Variants in PNO1 observed in about 807,000 individuals in gnomAD.
PNO1 encodes partner of NOB1 homolog, also known as RNA-binding protein PNO1.
PNO1 carries 16 observed loss-of-function variants against 28.4 expected under a neutral mutation model. The observed-to-expected ratio is 0.56, with a 90% CI of 0.38 to 0.85. The LOEUF is 0.85. Ranked by LOEUF, PNO1 falls within the 40% of genes least tolerant of loss-of-function variation. PNO1 has a pLI of 0.00. For missense variants in PNO1, 304 were observed against 312.2 expected (o/e 0.97, Z 0.20); for synonymous variants, 115 against 110.8 (o/e 1.04, Z -0.24).
intron 5 of PNO1, among the ~76,000 whole-genome samples, chr2:68,169,097 T>G (rs1473313352): frequency 6.6e-6 from 1 of 151,832 alleles, no homozygotes; most frequent in Non-Finnish European, 1.5e-5. Context: ...CCCAGCTAAT[T>G]TTTTTGTATT....
At chr2:68,173,905 A>G (rs1674199689) in intron 6 of PNO1, among the ~76,000 whole-genome samples, 1 of 152,108 alleles carries the variant, frequency 6.6e-6, no homozygotes, top group Admixed American at 6.6e-5. Context: ...TTTTGCTTAG[A>G]TTCCATTTGT....
chr2:68,162,377 T>G (rs778658720), intron 4 of PNO1, 52 bp downstream of exon 4: 1 of 1,383,720 alleles, frequency 7.2e-7, no homozygotes, highest in South Asian at 1.2e-5. Flanking sequence ...TATTGTGATG[T>G]GACTCTCAGT....
rs369426883 is a variant in PNO1 at position 68,157,925 on chromosome 2, A to G, written c.-10A>G. 1.2e-6 allele frequency: 2 copies of G among 1,613,166 alleles called. No homozygotes were observed. On this transcript the variant is annotated 5_prime_UTR_variant, in exon 1 of 7. Transcript: ENST00000263657. ...GTGTTTCAGCCGGCAGCGCTTTAAGATTTCCGGGGATGGAATCCGAAATGG... is the reference window on the plus strand; with the variant it reads ...GTGTTTCAGCCGGCAGCGCTTTAAGGTTTCCGGGGATGGAATCCGAAATGG...
At position 68,173,397 on chromosome 2, in the gene PNO1, C is replaced by T. The variant is rs1181675322; in HGVS notation, c.671C>T (p.Ala224Val). Residue 224 changes from alanine to valine, a missense_variant, in exon 6 of 7, where the codon GCC (alanine) becomes GTC (valine). Coordinates refer to ENST00000263657, the MANE Select transcript of PNO1 (RefSeq NM_020143.4). ...CAAAATATCAAGATGGCAAGAACTGCCATTTGCAACCTAATCTTGGGTAAT... is the reference window on the plus strand; with the variant it reads ...CAAAATATCAAGATGGCAAGAACTGTCATTTGCAACCTAATCTTGGGTAAT... ...SFQNIKMART[A>V]ICNLILGNPP... is the part of the protein sequence containing the mutation. 1 of 1,599,084 alleles carries T rather than the reference C, an allele frequency of 6.3e-7. No individual in the cohort carries two copies. The highest frequency in any genetic ancestry group is 1.1e-5 in the South Asian group (1 of 90,698).
intron 5 of PNO1, among the ~76,000 whole-genome samples, chr2:68,170,464 T>C (rs1160935190): frequency 6.6e-6 from 1 of 152,044 alleles, no homozygotes; most frequent in African/African-American, 2.4e-5. Context: ...AAGCCAAATA[T>C]TGGCCGGGCG....
intron 5 of PNO1, 122 bp from the exon 6 acceptor site, chr2:68,173,225 C>T: frequency 1.5e-6 from 1 of 668,122 alleles, no homozygotes; most frequent in South Asian, 1.7e-5. Flanking sequence ...TTATGCTGTC[C>T]AGGCTTGTCT....
rs530402363 is a variant in PNO1 at position 68,175,989 on chromosome 2, CAG to C, written c.*1189_*1190del. ...TGAAGATTACATTGAAAGTGAAAAACAGAATGGTTGGGTACTTGAAATACAGC... is the reference window on the plus strand; with the variant it reads ...TGAAGATTACATTGAAAGTGAAAAACAATGGTTGGGTACTTGAAATACAGC... On this transcript the variant is annotated 3_prime_UTR_variant, in exon 7 of 7. Coordinates refer to ENST00000263657, the MANE Select transcript of PNO1 (RefSeq NM_020143.4). 285 of 152,232 alleles carry C rather than the reference CAG, an allele frequency of 1.9e-3. 2 individuals carry two copies. Among genetic ancestry groups the C allele is most frequent in the African/African-American group, 6.5e-3 (272 of 41,532 alleles). The allele number at this position is 152,232 out of a possible 1,614,324, so 9.4% of individuals were successfully genotyped here.
At chr2:68,160,754 A>G (rs1269300142) in intron 2 of PNO1, among the ~76,000 whole-genome samples, 1 of 152,176 alleles carries the variant, frequency 6.6e-6, no homozygotes, top group Admixed American at 6.5e-5. Flanking sequence ...TGACCTCCTC[A>G]TTTTACTGAT....
intron 5 of PNO1, among the ~76,000 whole-genome samples, chr2:68,163,377 C>A (rs12466622): frequency 0.29 from 43,757 of 151,812 alleles, 7,307 homozygotes; most frequent in South Asian, 0.52. Context: ...ACTAAAAATA[C>A]AAAAATTAGC....
chr2:68,165,385 A>AC (rs768974879), intron 5 of PNO1, among the ~76,000 whole-genome samples: 55,342 of 128,608 alleles, frequency 0.43, 14,405 homozygotes, highest in South Asian at 0.61. Context: ...AAAAACAACA[A>AC]AAAAAAAAAA....
At chr2:68,158,337 G>C in intron 1 of PNO1, 43 bp from the exon 2 acceptor site, 1 of 1,565,852 alleles carries the variant, frequency 6.4e-7, no homozygotes. Context: ...CTCCATCACC[G>C]TCCCTCCATA....
chr2:68,173,983 G>GCA (rs1416725365), intron 6 of PNO1, among the ~76,000 whole-genome samples: 4 of 152,218 alleles, frequency 2.6e-5, no homozygotes, highest in African/African-American at 9.7e-5. Flanking sequence ...TTGATAAGGT[G>GCA]CAGAGAAAAA....
intron 5 of PNO1, among the ~76,000 whole-genome samples, chr2:68,172,011 G>T (rs1674143736): frequency 6.6e-6 from 1 of 152,158 alleles, no homozygotes; most frequent in Non-Finnish European, 1.5e-5. Flanking sequence ...TAATGACCAA[G>T]TCCAGGGTGT....
chr2:68,161,613 C>A (rs577247963), intron 2 of PNO1, 70 bp from the exon 3 acceptor site: 303 of 936,284 alleles, frequency 3.2e-4, no homozygotes, highest in Non-Finnish European at 3.5e-4. Flanking sequence ...AGGACATTTC[C>A]AGTATTTTGT....
intron 2 of PNO1, chr2:68,161,322 G>A (rs1325824329): frequency 1.3e-5 from 6 of 475,580 alleles, no homozygotes; most frequent in Admixed American, 2.4e-5. Flanking sequence ...CCTTGAGAGA[G>A]AAGAGAAGAG....
intron 2 of PNO1, among the ~76,000 whole-genome samples, chr2:68,159,954 AC>A (rs1478074453): frequency 8.7e-5 from 13 of 149,468 alleles, no homozygotes; most frequent in Admixed American, 2.7e-4. Flanking sequence ...TCTTCAAAAA[AC>A]AAAAAAAAAT....
chr2:68,159,964 A>ATTTTTTTT (rs1206527655), intron 2 of PNO1, among the ~76,000 whole-genome samples: 1 of 116,934 alleles, frequency 8.6e-6, no homozygotes, highest in African/African-American at 3.5e-5. Context: ...ACAAAAAAAA[A>ATTTTTTTT]TTTTTTTTTT....
At chr2:68,165,322 C>CCACTG (rs1673956059) in intron 5 of PNO1, among the ~76,000 whole-genome samples, 2 of 145,752 alleles carry the variant, frequency 1.4e-5, no homozygotes, top group African/African-American at 2.6e-5. Context: ...CGAGATCCCG[C>CCACTG]CACTGCACTC....
intron 2 of PNO1, chr2:68,161,476 G>A (rs1673829163): frequency 1.8e-6 from 1 of 547,168 alleles, no homozygotes; most frequent in Non-Finnish European, 3.3e-6. Context: ...GGGTGGAACA[G>A]CCAAGCTTTG....
Sources: allele counts gnomAD v4.1 joint callset (sites outside exome capture counted in the v4.1 genomes callset), GRCh38; gene constraint gnomAD v4.1.1; transcripts MANE v1.5; gene names NCBI Gene and HGNC (gene_info 2026-07-23, HGNC 2026-07-21).